The following LIPN variants were observed in gnomAD, a reference collection of about 807,000 sequenced individuals.
LIPN encodes the protein lipase family member N.
LIPN carries 32 observed loss-of-function variants against 43.7 expected under a neutral mutation model. That is an observed-to-expected ratio of 0.73 (90% confidence interval 0.55 to 0.98). LIPN has a LOEUF of 0.98. Among genes scored for constraint, LIPN ranks in the 50% least tolerant of loss-of-function variants. The pLI, the probability that LIPN is intolerant of heterozygous loss-of-function variation, is 0.00. For synonymous variants in LIPN, 156 were observed against 157.6 expected, an observed-to-expected ratio of 0.99 and a Z score of 0.08; for missense variants, 505 against 483.8, an observed-to-expected ratio of 1.04 and a Z score of -0.41.
rs1341469198 is a variant in LIPN at position 88,779,583 on chromosome 10, CTG to C, written c.*1342_*1343del. On this transcript the variant is annotated 3_prime_UTR_variant, in exon 10 of 10. Coordinates refer to ENST00000404459, the MANE Select transcript of LIPN (RefSeq NM_001102469.2). ...ATAAAATATTTGTATATAATGAAAA[CTG>C]AAGCAATATAAAAAATAAAATTAGT... is the stretch of plus-strand genomic sequence containing the variant. 6.6e-6 allele frequency among the ~76,000 whole-genome samples: 1 copy of C among 151,754 alleles called. No individual in the cohort carries two copies. The highest frequency in any genetic ancestry group is 1.9e-4 in the East Asian group (1 of 5,170).
chr10:88,771,216 G>A (rs1039363937), intron 7 of LIPN, among the ~76,000 whole-genome samples: 6 of 151,664 alleles, frequency 4.0e-5, no homozygotes, highest in African/African-American at 1.5e-4. Context: ...GACCAAATCA[G>A]GGTAATTGGG....
chr10:88,764,322 C>A, intron 3 of LIPN, 88 bp from the exon 4 acceptor site: 1 of 996,738 alleles, frequency 1.0e-6, no homozygotes, highest in Non-Finnish European at 1.5e-6. Context: ...ATGTTTCCGA[C>A]ATGCTCTATT....
intron 6 of LIPN, 79 bp downstream of exon 6, chr10:88,769,007 A>G (rs1843160382): frequency 3.7e-6 from 5 of 1,366,908 alleles, no homozygotes; most frequent in Non-Finnish European, 5.1e-6. Context: ...TCTACTGTAA[A>G]GTAAAAGTAG....
chr10:88,765,449 A>C (rs1358331327), intron 4 of LIPN, among the ~76,000 whole-genome samples: 1 of 151,920 alleles, frequency 6.6e-6, no homozygotes, highest in African/African-American at 2.4e-5. Context: ...AGCATCAGGA[A>C]ATATTGAATC....
intron 2 of LIPN, 47 bp from the exon 3 acceptor site, chr10:88,762,141 A>T: frequency 1.0e-6 from 1 of 972,526 alleles, no homozygotes; most frequent in Non-Finnish European, 1.6e-6. Flanking sequence ...ATTCCTTTTT[A>T]TATCCTTTGG....
At chr10:88,757,393 A>T (rs17434481), upstream of LIPN, among the ~76,000 whole-genome samples, 7,676 of 152,208 alleles carry the variant, frequency 0.05, 228 homozygotes, top group African/African-American at 0.067. Context: ...GTTATCAAGG[A>T]CAGCTGCCGG....
intron 6 of LIPN, among the ~76,000 whole-genome samples, chr10:88,770,348 T>C (rs1393790453): frequency 2.0e-5 from 3 of 151,874 alleles, no homozygotes; most frequent in African/African-American, 7.2e-5. Context: ...ATGGGTAACA[T>C]GGAAAACCCC....
At position 88,774,602 on chromosome 10, in the gene LIPN, AC is replaced by A. The variant is rs1341737700; in HGVS notation, c.891+59del. On this transcript the variant is annotated intron_variant, in intron 8 of 9. Coordinates refer to ENST00000404459, the MANE Select transcript of LIPN (RefSeq NM_001102469.2). ...CCTTATTTTCAATATATTTAAAAAG[AC>A]AGAATTGACCCTGTTAACAGGCCTA... is the stretch of plus-strand genomic sequence containing the variant. 2.1e-6 allele frequency: 3 copies of A among 1,414,684 alleles called. No individual in the cohort carries two copies. In the East Asian group the frequency reaches 7.0e-5, roughly 33 times the overall value. The allele number at this position is 1,414,684 out of a possible 1,614,324, so 87.6% of individuals were successfully genotyped here.
Position 88,764,526 on chromosome 10 carries a change from T to C in LIPN, c.343T>C (p.Trp115Arg), listed in dbSNP as rs1396618130. ...FLLADAGYDV[W>R]MGNSRGNTWS... ...TCTAGCAGATGCAGGTTATGATGTATGGATGGGAAACAGTCGGGGAAACAC... is the reference window on the plus strand; with the variant it reads ...TCTAGCAGATGCAGGTTATGATGTACGGATGGGAAACAGTCGGGGAAACAC... Residue 115 changes from tryptophan to arginine, a missense_variant, in exon 4 of 10, where the codon TGG (tryptophan) becomes CGG (arginine). Physicochemically the swap from Trp to Arg is moderately radical, Grantham distance 101 (BLOSUM62 -3). Transcript: ENST00000404459. The C allele has an allele frequency of 2.2e-5, 35 of 1,612,196 alleles. No homozygotes were observed. Among genetic ancestry groups the C allele is most frequent in the African/African-American group, 4.0e-5 (3 of 74,858 alleles).
Position 88,761,718 on chromosome 10 carries a change from GCTATCTAT to G in LIPN, c.108+242_108+249del, listed in dbSNP as rs71022539. Reference sequence around the variant, plus strand: ...AATGAAAACCAAATTGTGCTATTGTGCTATCTATCTATCTATCTATCTATCTATCTATC... The same window carrying G: ...AATGAAAACCAAATTGTGCTATTGTGCTATCTATCTATCTATCTATCTATC... On this transcript the variant is annotated intron_variant, in intron 2 of 9. Coordinates refer to ENST00000404459, the MANE Select transcript of LIPN (RefSeq NM_001102469.2). Among the ~76,000 whole-genome samples, 19,447 of 145,788 alleles carry G rather than the reference GCTATCTAT, an allele frequency of 0.13. 1,598 individuals are homozygous for G. The highest frequency in any genetic ancestry group is 0.41 in the East Asian group (2,005 of 4,948).
intron 3 of LIPN, among the ~76,000 whole-genome samples, chr10:88,762,768 C>T (rs1392168807): frequency 6.6e-6 from 1 of 152,044 alleles, no homozygotes; most frequent in African/African-American, 2.4e-5. Flanking sequence ...TAAATGACAA[C>T]GCATTTCTGA....
chr10:88,759,912 T>C (rs1842971411), upstream of LIPN, among the ~76,000 whole-genome samples: 1 of 152,138 alleles, frequency 6.6e-6, no homozygotes, highest in Admixed American at 6.5e-5. Flanking sequence ...GCCTTTGGTG[T>C]GTCAGGGACA....
Position 88,764,557 on chromosome 10 carries a change from CA to C in LIPN, c.376del (p.Arg126GlufsTer29). 6.2e-7 allele frequency: 1 copy of C among 1,611,506 alleles called. No homozygotes were observed. Among genetic ancestry groups the C allele is most frequent in the Non-Finnish European group, 8.5e-7 (1 of 1,178,620 alleles). ...GGAAACAGTCGGGGAAACACTTGGT[CA>C]AGAAGACACAAAACACTCTCAGAGA... is the stretch of plus-strand genomic sequence containing the variant. ...WMGNSRGNTWSRRHKTLSETD... is the reference protein window; with the variant it reads ...WMGNSRGNTWXRRHKTLSETD... On this transcript the variant is annotated frameshift_variant, in exon 4 of 10. Transcript: ENST00000404459. LOFTEE classifies it high-confidence loss of function.
At chr10:88,762,891 G>A (rs1043235412) in intron 3 of LIPN, among the ~76,000 whole-genome samples, 7 of 152,056 alleles carry the variant, frequency 4.6e-5, no homozygotes, top group Non-Finnish European at 1.0e-4. Context: ...CTAGAATGAG[G>A]AGCCAGCCAT....
At chr10:88,773,122 G>A (rs1231744769) in intron 7 of LIPN, among the ~76,000 whole-genome samples, 1 of 150,572 alleles carries the variant, frequency 6.6e-6, no homozygotes, top group Non-Finnish European at 1.5e-5. Context: ...AAATACCAAT[G>A]ACATTCTTCA....
intron 7 of LIPN, 36 bp from the exon 8 acceptor site, chr10:88,774,437 G>T (rs765927616): frequency 6.8e-7 from 1 of 1,480,450 alleles, no homozygotes. Context: ...AAATTTTGTT[G>T]GGCAATTGCT....
At chr10:88,763,896 A>G (rs1820373287) in intron 3 of LIPN, among the ~76,000 whole-genome samples, 1 of 152,010 alleles carries the variant, frequency 6.6e-6, no homozygotes, top group African/African-American at 2.4e-5. Flanking sequence ...TGGAAGAGCT[A>G]TAGGACTTGA....
intron 7 of LIPN, among the ~76,000 whole-genome samples, chr10:88,772,103 A>AT (rs35059517): frequency 0.03 from 4,430 of 146,668 alleles, 172 homozygotes; most frequent in African/African-American, 0.088. Flanking sequence ...TTTAAATCAG[A>AT]TTTTTTTTTT....
At chr10:88,770,706 T>C (rs1843189978) in intron 6 of LIPN, 139 bp from the exon 7 acceptor site, 1 of 519,558 alleles carries the variant, frequency 1.9e-6, no homozygotes. Flanking sequence ...GGTTTTTTGC[T>C]ATTGCTATTT....
Sources: allele counts gnomAD v4.1 joint callset (sites outside exome capture counted in the v4.1 genomes callset), GRCh38; gene constraint gnomAD v4.1.1; transcripts MANE v1.5; gene names NCBI Gene and HGNC (gene_info 2026-07-23, HGNC 2026-07-21).